The following ARL17A variants were observed in gnomAD, a reference collection of about 807,000 sequenced individuals.
ARL17A encodes ARF like GTPase 17A.
intron 3 of ARL17A, among the ~76,000 whole-genome samples, chr17:46,544,802 T>C (rs2056032244): frequency 8.7e-6 from 1 of 115,280 alleles, no homozygotes; most frequent in East Asian, 3.0e-4. Context: ...ATTTACGTAT[T>C]GGAAAAAATT....
At chr17:46,572,949 G>A (rs1344124366) in intron 2 of ARL17A, among the ~76,000 whole-genome samples, 1 of 110,658 alleles carries the variant, frequency 9.0e-6, no homozygotes, top group African/African-American at 3.5e-5. Flanking sequence ...GGGGAGGGGA[G>A]GGGAGGAAGG....
At chr17:46,545,860 T>C (rs2056231744) in intron 3 of ARL17A, among the ~76,000 whole-genome samples, 2 of 150,452 alleles carry the variant, frequency 1.3e-5, no homozygotes, top group African/African-American at 5.0e-5. Context: ...GAGTAATTTA[T>C]AATATTTCCC....
intron 3 of ARL17A, among the ~76,000 whole-genome samples, chr17:46,543,509 A>G (rs1192504536): frequency 6.6e-6 from 1 of 150,988 alleles, no homozygotes; most frequent in Non-Finnish European, 1.5e-5. Context: ...ACCGCATAGT[A>G]GACAATGATA....
intron 4 of ARL17A, among the ~76,000 whole-genome samples, chr17:46,531,916 G>A (rs1332785841): frequency 2.2e-5 from 3 of 135,748 alleles, no homozygotes; most frequent in African/African-American, 3.2e-5. Context: ...CCATGTTTTT[G>A]TGTAAGAGTC....
At chr17:46,534,074 C>T (rs2054159201) in intron 4 of ARL17A, among the ~76,000 whole-genome samples, 1 of 135,646 alleles carries the variant, frequency 7.4e-6, no homozygotes, top group East Asian at 2.1e-4. Flanking sequence ...TGCAGTGGTG[C>T]AACCACTCAC....
intron 4 of ARL17A, among the ~76,000 whole-genome samples, chr17:46,530,241 A>G (rs1222513047): frequency 6.5e-5 from 8 of 122,332 alleles, no homozygotes; most frequent in Non-Finnish European, 1.0e-4. Context: ...GAAGATATAG[A>G]ATGAAGGGGT....
At chr17:46,558,607 T>C (rs1046240889) in intron 3 of ARL17A, among the ~76,000 whole-genome samples, 1 of 124,708 alleles carries the variant, frequency 8.0e-6, no homozygotes, top group African/African-American at 3.2e-5. Flanking sequence ...GCCAGGCTAG[T>C]CTTGAACTCC....
chr17:46,534,572 A>AATGG (rs2054288371), intron 4 of ARL17A, among the ~76,000 whole-genome samples: 2 of 147,608 alleles, frequency 1.4e-5, no homozygotes, highest in South Asian at 4.3e-4. Context: ...TACAGAACAA[A>AATGG]ATGGAGTCTT....
intron 4 of ARL17A, among the ~76,000 whole-genome samples, chr17:46,532,315 G>C (rs1358417470): frequency 1.3e-5 from 2 of 150,258 alleles, no homozygotes; most frequent in Non-Finnish European, 2.9e-5. Context: ...CGTTGAATTT[G>C]GTTTGCCAGA....
the ARL17A span, among the ~76,000 whole-genome samples, chr17:46,501,601 C>T: frequency 6.6e-6 from 1 of 151,248 alleles, no homozygotes; most frequent in South Asian, 2.1e-4. Context: ...TTGGAACTCC[C>T]TTCAGTTCTC....
intron 3 of ARL17A, among the ~76,000 whole-genome samples, chr17:46,544,719 A>C (rs993346216): frequency 2.2e-5 from 2 of 92,274 alleles, no homozygotes; most frequent in South Asian, 3.2e-4. Context: ...GATTGTTTTT[A>C]TCTCTCTGAA....
At chr17:46,505,709 TC>T in the ARL17A span, among the ~76,000 whole-genome samples, 1 of 40,154 alleles carries the variant, frequency 2.5e-5, no homozygotes, top group South Asian at 7.2e-4. Flanking sequence ...GTGATCCTCT[TC>T]CCCCAGGATC....
intron 2 of ARL17A, among the ~76,000 whole-genome samples, chr17:46,572,900 G>A (rs2057682258): frequency 3.7e-5 from 2 of 54,506 alleles, no homozygotes; most frequent in Non-Finnish European, 8.3e-5. Flanking sequence ...AGAAAGAAAA[G>A]AGGAAGAGAG....
At chr17:46,529,150 G>A (rs1268453901) in intron 4 of ARL17A, among the ~76,000 whole-genome samples, 2 of 136,512 alleles carry the variant, frequency 1.5e-5, no homozygotes, top group Non-Finnish European at 3.2e-5. Context: ...TTAATAGAAA[G>A]GAAACATAGC....
chr17:46,537,077 ATTTTT>A lies in ARL17A; in HGVS notation c.335+1269_335+1273del, dbSNP rs766255014. On this transcript the variant is annotated intron_variant, in intron 4 of 4. Transcript: ENST00000329240. ...GTTCTGAAAAAGTTTATTGTGGTCA[ATTTTT>A]TTTTTTTTTTTTTTTTTTTTTTTTG... Among the ~76,000 whole-genome samples the A allele has an allele frequency of 3.5e-3, 123 of 34,798 alleles. 5 individuals are homozygous for A. The highest frequency in any genetic ancestry group is 0.023 in the African/African-American group (115 of 5,108). 22.8% of individuals were successfully genotyped at this position (34,798 alleles called of 152,430 possible). A position where few individuals can be genotyped will look rare whatever the true frequency, so the allele number is the denominator to read the frequency against.
downstream of ARL17A, among the ~76,000 whole-genome samples, chr17:46,525,328 C>T (rs1302472091): frequency 1.0e-5 from 1 of 97,206 alleles, no homozygotes; most frequent in East Asian, 2.8e-4. Context: ...AGCGGTGGCT[C>T]ATGCCTGTAA....
At chr17:46,551,009 G>A, downstream of ARL17A, among the ~76,000 whole-genome samples, 1 of 149,844 alleles carries the variant, frequency 6.7e-6, no homozygotes, top group East Asian at 1.9e-4. Context: ...TGTCTAAATA[G>A]GTCCAGTTAA....
chr17:46,531,681 CAT>C (rs1346958230), intron 4 of ARL17A, among the ~76,000 whole-genome samples: 3 of 22,484 alleles, frequency 1.3e-4, no homozygotes, highest in Non-Finnish European at 2.2e-4. Context: ...CTTTTGGTGT[CAT>C]GTGTGTGTAT....
At chr17:46,516,273 A>AGCCT (rs1426681450), downstream of ARL17A, among the ~76,000 whole-genome samples, 3 of 126,254 alleles carry the variant, frequency 2.4e-5, no homozygotes, top group Non-Finnish European at 3.6e-5. Context: ...ACTGCACTCC[A>AGCCT]GCCTGGGCGA....
Sources: allele counts gnomAD v4.1 joint callset (sites outside exome capture counted in the v4.1 genomes callset), GRCh38; gene constraint gnomAD v4.1.1; transcripts MANE v1.5; gene names NCBI Gene and HGNC (gene_info 2026-07-23, HGNC 2026-07-21).